TLK1: variants seen among roughly 807,000 people sequenced by gnomAD.
TLK1 encodes the protein serine/threonine-protein kinase tousled-like 1.
TLK1 carries 24 observed loss-of-function variants against 105.3 expected under a neutral mutation model. The ratio of observed to expected loss-of-function variants is 0.23; its 90% CI spans 0.17 to 0.32. The LOEUF (loss-of-function observed/expected upper bound fraction) is 0.32. Among genes scored for constraint, TLK1 ranks in the 10% least tolerant of loss-of-function variants. The pLI is 1.00. For missense variants in TLK1, 558 were observed against 910.5 expected (o/e 0.61, Z 4.98); for synonymous variants, 321 against 310.4 (o/e 1.03, Z -0.36).
At chr2:171,028,985 A>T (rs985215584) in intron 11 of TLK1, among the ~76,000 whole-genome samples, 2 of 152,178 alleles carry the variant, frequency 1.3e-5, no homozygotes, top group Non-Finnish European at 2.9e-5. Context: ...CCATGAGAGG[A>T]CTCTGGGGAG....
chr2:171,089,737 T>G (rs998970930), intron 2 of TLK1, among the ~76,000 whole-genome samples: 1 of 152,166 alleles, frequency 6.6e-6, no homozygotes, highest in African/African-American at 2.4e-5. Flanking sequence ...TGCAGTGGCA[T>G]GATCATAGCT....
At chr2:171,127,744 A>T (rs2105549741) in intron 1 of TLK1, among the ~76,000 whole-genome samples, 1 of 152,296 alleles carries the variant, frequency 6.6e-6, no homozygotes, top group African/African-American at 2.4e-5. Context: ...AACTTTTCCC[A>T]CTAATTTAAA....
chr2:171,009,628 A>G (rs1160005885), intron 14 of TLK1, among the ~76,000 whole-genome samples: 1 of 152,148 alleles, frequency 6.6e-6, no homozygotes, highest in African/African-American at 2.4e-5. Context: ...TAATCTTATC[A>G]GCTTATCTCA....
At chr2:171,024,743 T>C (rs899518159) in intron 12 of TLK1, among the ~76,000 whole-genome samples, 7 of 152,294 alleles carry the variant, frequency 4.6e-5, no homozygotes, top group African/African-American at 1.7e-4. Flanking sequence ...ATCTGGGCTT[T>C]CAAAAAGGTG....
At chr2:171,206,519 A>G (rs75980208) in intron 1 of TLK1, among the ~76,000 whole-genome samples, 4,495 of 152,264 alleles carry the variant, frequency 0.03, 240 homozygotes, top group African/African-American at 0.1. Context: ...TAAGGGGCCT[A>G]TCACTTCTAG....
chr2:171,028,248 T>C, intron 12 of TLK1, 91 bp downstream of exon 12: 1 of 871,614 alleles, frequency 1.1e-6, no homozygotes, highest in South Asian at 1.5e-5. Context: ...CTCTCTTAAA[T>C]TTTGGCTTTT....
chr2:171,086,638 C>CAA (rs35913328), intron 2 of TLK1, among the ~76,000 whole-genome samples: 29,319 of 108,584 alleles, frequency 0.27, 3,320 homozygotes, highest in Non-Finnish European at 0.33. Context: ...AAAAAACAAA[C>CAA]AAAAAAAAAA....
At chr2:171,120,244 G>A (rs1317486793) in intron 1 of TLK1, among the ~76,000 whole-genome samples, 13 of 94,946 alleles carry the variant, frequency 1.4e-4, no homozygotes, top group African/African-American at 6.0e-4. Flanking sequence ...GTGAGACTCC[G>A]TCAGAAAAAA....
chr2:171,032,874 TG>T (rs1279491225), intron 11 of TLK1, among the ~76,000 whole-genome samples: 2 of 152,080 alleles, frequency 1.3e-5, no homozygotes, highest in Non-Finnish European at 2.9e-5. Context: ...TAACTAAAAA[TG>T]AATGAATGAC....
Position 171,082,833 on chromosome 2 carries a change from C to T in TLK1, c.278G>A (p.Ser93Asn). ...VGAKASTNNE[S>N]SNHSFGSLGS... ...CAAGCTTCCAAAACTGTGATTAGAG[C>T]TTTCGTTATTTGTTGAGGCCTGTTA... Residue 93 changes from serine to asparagine, a missense_variant, in exon 3 of 21, where the codon AGC (serine) becomes AAC (asparagine). Transcript: ENST00000431350. 1 of 1,608,936 alleles carries T rather than the reference C, an allele frequency of 6.2e-7. No homozygotes were observed. The highest frequency in any genetic ancestry group is 8.5e-7 in the Non-Finnish European group (1 of 1,178,270).
rs113825045 is a variant in TLK1 at position 171,087,980 on chromosome 2, T to C, written c.259-5128A>G. On this transcript the variant is annotated intron_variant, in intron 2 of 20. Coordinates refer to ENST00000431350, the MANE Select transcript of TLK1 (RefSeq NM_012290.5). Reference sequence around the variant, plus strand: ...AGGTATGAGATGATAAAAATCTCTCTCTGGGAGATTCTATAAGTCCCTCAG... The same window carrying C: ...AGGTATGAGATGATAAAAATCTCTCCCTGGGAGATTCTATAAGTCCCTCAG... 3.6e-3 allele frequency among the ~76,000 whole-genome samples: 546 copies of C among 152,274 alleles called. 6 individuals carry two copies. Among genetic ancestry groups the C allele is most frequent in the African/African-American group, 0.012 (504 of 41,546 alleles).
chr2:171,195,216 T>A (rs1693244107), intron 1 of TLK1, among the ~76,000 whole-genome samples: 1 of 151,962 alleles, frequency 6.6e-6, no homozygotes, highest in South Asian at 2.1e-4. Flanking sequence ...GTATAAAACA[T>A]AATCCGGCCG....
chr2:171,132,483 T>TA (rs1287085786), intron 1 of TLK1, among the ~76,000 whole-genome samples: 1 of 152,222 alleles, frequency 6.6e-6, no homozygotes, highest in African/African-American at 2.4e-5. Flanking sequence ...ATTATAAACT[T>TA]ACGTATTTGT....
chr2:171,228,934 C>A (rs1693944934), intron 1 of TLK1, among the ~76,000 whole-genome samples: 1 of 152,168 alleles, frequency 6.6e-6, no homozygotes, highest in African/African-American at 2.4e-5. Context: ...CTTAGGAGGT[C>A]CCAGCTGCAT....
At chr2:171,136,576 G>A (rs1199392359) in intron 1 of TLK1, among the ~76,000 whole-genome samples, 1 of 152,106 alleles carries the variant, frequency 6.6e-6, no homozygotes, top group Non-Finnish European at 1.5e-5. Flanking sequence ...AGACAGGACA[G>A]GAAAGGAAAA....
At chr2:171,162,230 CTG>C (rs565847861), upstream of TLK1, among the ~76,000 whole-genome samples, 28 of 152,320 alleles carry the variant, frequency 1.8e-4, no homozygotes, top group South Asian at 4.1e-4. Flanking sequence ...ACAAAATAAA[CTG>C]CACATATTTA....
chr2:171,180,233 AT>A (rs1354024149), intron 1 of TLK1, among the ~76,000 whole-genome samples: 1 of 151,892 alleles, frequency 6.6e-6, no homozygotes, highest in African/African-American at 2.4e-5. Context: ...AAAAAAAAAA[AT>A]TGCCCCCCGG....
At chr2:171,053,213 G>A (rs543063315) in intron 8 of TLK1, among the ~76,000 whole-genome samples, 2 of 152,286 alleles carry the variant, frequency 1.3e-5, no homozygotes, top group South Asian at 4.1e-4. Context: ...TGTTATGGTA[G>A]TTGGTCATAT....
intron 11 of TLK1, among the ~76,000 whole-genome samples, chr2:171,043,347 G>A (rs1028436678): frequency 7.9e-5 from 12 of 152,170 alleles, no homozygotes; most frequent in Non-Finnish European, 1.5e-4. Flanking sequence ...CTGAATGTTG[G>A]CAGTGAAGTA....
Sources: gnomAD v4.1 joint callset for allele counts (sites outside exome capture counted in the v4.1 genomes callset) on GRCh38, gnomAD v4.1.1 for gene constraint, MANE v1.5 for transcripts, NCBI Gene and HGNC (gene_info 2026-07-23, HGNC 2026-07-21) for gene names.